Variants in TEKT5 observed in about 807,000 individuals in gnomAD.
The protein encoded by TEKT5 is tektin-5.
Under a neutral mutation model 48.7 loss-of-function variants are expected in TEKT5, and 52 were observed. The observed-to-expected ratio is 1.07, with a 90% CI of 0.86 to 1.35. TEKT5 has a LOEUF of 1.35. Among genes scored for constraint, TEKT5 ranks in the 40% most tolerant of loss-of-function variants. The pLI, the probability that TEKT5 is intolerant of heterozygous loss-of-function variation, is 0.00. For missense variants in TEKT5, 831 were observed against 641.6 expected (o/e 1.30, Z -3.19); for synonymous variants, 318 against 267.6 (o/e 1.19, Z -1.84).
At chr16:10,682,866 C>A (rs1170555146) in intron 3 of TEKT5, among the ~76,000 whole-genome samples, 1 of 152,192 alleles carries the variant, frequency 6.6e-6, no homozygotes, top group Non-Finnish European at 1.5e-5. Flanking sequence ...TTGAAGATAT[C>A]AATCCACACT....
intron 5 of TEKT5, among the ~76,000 whole-genome samples, chr16:10,652,868 C>CACACACACACAT (rs1567228476): frequency 1.7e-5 from 1 of 58,436 alleles, no homozygotes; most frequent in African/African-American, 2.2e-4. Flanking sequence ...CACACACACA[C>CACACACACACAT]ACCCTCCAGG....
At chr16:10,630,591 G>A (rs1322893333) in intron 6 of TEKT5, among the ~76,000 whole-genome samples, 2 of 152,200 alleles carry the variant, frequency 1.3e-5, no homozygotes, top group African/African-American at 4.8e-5. Context: ...GTGCCGTGGA[G>A]TAGAACTTTC....
Position 10,676,054 on chromosome 16 carries a change from T to A in TEKT5, c.991A>T (p.Met331Leu). Residue 331 changes from methionine to leucine, a missense_variant, in exon 5 of 7, where the codon ATG becomes TTG. Met to Leu is a conservative substitution (Grantham distance 15, BLOSUM62 2). Coordinates refer to ENST00000283025, the MANE Select transcript of TEKT5 (RefSeq NM_144674.2). ...EHLFETLSDQMWRQFTDTNLA... is the reference protein window; with the variant it reads ...EHLFETLSDQLWRQFTDTNLA... ...TTGGTGTCTGTGAACTGCCTCCACA[T>A]CTGATCCGACAAGGTCTCAAAGAGG... 1 of 1,614,190 alleles carries A rather than the reference T, an allele frequency of 6.2e-7. No homozygotes were observed. The highest frequency in any genetic ancestry group is 8.5e-7 in the Non-Finnish European group (1 of 1,180,034).
At chr16:10,685,094 T>C (rs1410980082) in intron 3 of TEKT5, among the ~76,000 whole-genome samples, 2 of 152,236 alleles carry the variant, frequency 1.3e-5, no homozygotes, top group African/African-American at 4.8e-5. Context: ...AGGAGTCATC[T>C]GACACACAGC....
chr16:10,629,360 C>T (rs1897802764), intron 6 of TEKT5, among the ~76,000 whole-genome samples: 1 of 151,842 alleles, frequency 6.6e-6, no homozygotes. Flanking sequence ...AAGCAATTCT[C>T]TTGCCTCAGC....
intron 2 of TEKT5, 88 bp from the exon 3 acceptor site, chr16:10,689,411 C>T (rs8054154): frequency 1.4e-5 from 16 of 1,151,962 alleles, no homozygotes; most frequent in Non-Finnish European, 2.0e-5. Flanking sequence ...CTCCCCTCCC[C>T]TCTCACTGAC....
intron 5 of TEKT5, among the ~76,000 whole-genome samples, chr16:10,665,533 C>T (rs144042103): frequency 6.6e-5 from 10 of 152,318 alleles, no homozygotes; most frequent in South Asian, 2.1e-4. Context: ...CTGCATCTGT[C>T]GCCTACCTCC....
At chr16:10,656,449 C>T (rs1047477203) in intron 5 of TEKT5, among the ~76,000 whole-genome samples, 5 of 152,030 alleles carry the variant, frequency 3.3e-5, no homozygotes, top group African/African-American at 1.2e-4. Context: ...GACAGGGTCT[C>T]ACCATGTTAC....
chr16:10,668,117 G>C (rs1231730087), intron 5 of TEKT5, among the ~76,000 whole-genome samples: 1 of 152,190 alleles, frequency 6.6e-6, no homozygotes, highest in Non-Finnish European at 1.5e-5. Context: ...GACCTCAGGT[G>C]ATCTGCTTGC....
chr16:10,668,102 C>T (rs1047614665), intron 5 of TEKT5, among the ~76,000 whole-genome samples: 3 of 152,168 alleles, frequency 2.0e-5, no homozygotes, highest in African/African-American at 7.2e-5. Context: ...TTATCTGGAA[C>T]TCTTGACCTC....
chr16:10,666,802 C>A (rs955714041), intron 5 of TEKT5, among the ~76,000 whole-genome samples: 1 of 152,182 alleles, frequency 6.6e-6, no homozygotes, highest in African/African-American at 2.4e-5. Context: ...TCCATCAGGA[C>A]ATACGGCTGT....
At chr16:10,677,200 A>T (rs1398834160) in intron 4 of TEKT5, among the ~76,000 whole-genome samples, 1 of 148,904 alleles carries the variant, frequency 6.7e-6, no homozygotes, top group Non-Finnish European at 1.5e-5. Flanking sequence ...CAAAAGAAGC[A>T]GCAGCAGCAG....
Position 10,659,207 on chromosome 16 carries a change from A to T in TEKT5, c.1086+16752T>A, listed in dbSNP as rs1467150644. On this transcript the variant is annotated intron_variant, in intron 5 of 6. Coordinates refer to ENST00000283025, the MANE Select transcript of TEKT5 (RefSeq NM_144674.2). ...CCACTGAACTAGGTACTGGTCACAC[A>T]TGTGCGCACACACGTAAAAATCAAA... is the stretch of plus-strand genomic sequence containing the variant. Among the ~76,000 whole-genome samples the T allele has an allele frequency of 3.9e-5, 6 of 152,212 alleles. No homozygotes were observed. The East Asian group carries it at 1.2e-3, about 29-fold the overall frequency.
intron 1 of TEKT5, 37 bp from the exon 2 acceptor site, chr16:10,690,062 A>G (rs763170579): frequency 1.2e-6 from 2 of 1,602,658 alleles, no homozygotes; most frequent in Non-Finnish European, 8.5e-7. Flanking sequence ...TTCTTCCTGT[A>G]GCTGTATGTA....
In TEKT5 at chr16:10,694,722, C is replaced by T. The variant is rs537584058; in HGVS notation, c.152G>A (p.Arg51Lys). The T allele has an allele frequency of 6.2e-7, 1 of 1,614,076 alleles. No individual in the cohort carries two copies. The highest frequency in any genetic ancestry group is 1.3e-5 in the African/African-American group (1 of 75,052). ...GGCTATCTTGTAGAAGAGGCTAGGC[C>T]TCCATGAATTGAGGTAGCGGTACCC... ...LPGYRYLNSWRPSLFYKIANV... is the reference protein window; with the variant it reads ...LPGYRYLNSWKPSLFYKIANV... The change falls in exon 1 of 7, where the codon AGG (arginine) becomes AAG (lysine). Residue 51 changes from arginine (R) to lysine (K), a missense_variant. Coordinates refer to ENST00000283025, the MANE Select transcript of TEKT5 (RefSeq NM_144674.2).
At chr16:10,660,661 CTGTGTGT>C (rs1229756553) in intron 5 of TEKT5, among the ~76,000 whole-genome samples, 1 of 144,304 alleles carries the variant, frequency 6.9e-6, no homozygotes, top group Non-Finnish European at 1.5e-5. Flanking sequence ...GAGTGCAAGG[CTGTGTGT>C]GTGTGTGTGT....
intron 5 of TEKT5, among the ~76,000 whole-genome samples, chr16:10,643,383 A>C (rs955203279): frequency 7.9e-5 from 12 of 151,654 alleles, no homozygotes; most frequent in African/African-American, 2.7e-4. Flanking sequence ...CGTCTCTTAA[A>C]AAAAAAAAAA....
At chr16:10,689,134 A>T in intron 3 of TEKT5, 119 bp downstream of exon 3, 1 of 697,578 alleles carries the variant, frequency 1.4e-6, no homozygotes, top group Non-Finnish European at 2.3e-6. Context: ...TTACCAGCAT[A>T]CCACTGACCA....
At chr16:10,651,331 C>T (rs1156407355) in intron 5 of TEKT5, among the ~76,000 whole-genome samples, 1 of 152,124 alleles carries the variant, frequency 6.6e-6, no homozygotes, top group African/African-American at 2.4e-5. Flanking sequence ...TGCTTCTCTG[C>T]TTCATTTTCT....
Sources: gnomAD v4.1 joint callset for allele counts (sites outside exome capture counted in the v4.1 genomes callset) on GRCh38, gnomAD v4.1.1 for gene constraint, MANE v1.5 for transcripts, NCBI Gene and HGNC (gene_info 2026-07-23, HGNC 2026-07-21) for gene names.